Variants in MAGI1 observed in about 807,000 individuals in gnomAD.
MAGI1 encodes the protein membrane-associated guanylate kinase, WW and PDZ domain-containing protein 1.
MAGI1 carries 58 observed loss-of-function variants against 139.9 expected under a neutral mutation model. The ratio of observed to expected loss-of-function variants is 0.41; its 90% CI spans 0.34 to 0.52. The LOEUF is 0.52. MAGI1 is among the 20% of genes least tolerant of loss of function. The pLI, the probability that MAGI1 is intolerant of heterozygous loss-of-function variation, is 0.12. For missense variants in MAGI1, 1,874 were observed against 1,901.6 expected, an observed-to-expected ratio of 0.99 and a Z score of 0.27; for synonymous variants, 812 against 737.9, an observed-to-expected ratio of 1.10 and a Z score of -1.63.
chr3:65,692,084 C>T (rs982143073), intron 1 of MAGI1, among the ~76,000 whole-genome samples: 1 of 151,712 alleles, frequency 6.6e-6, no homozygotes, highest in African/African-American at 2.4e-5. Context: ...ATCAAGTAGA[C>T]AAGTATAGGT....
chr3:65,892,434 AT>A (rs1158062943), intron 1 of MAGI1, among the ~76,000 whole-genome samples: 1 of 152,218 alleles, frequency 6.6e-6, no homozygotes, highest in African/African-American at 2.4e-5. Flanking sequence ...TAATAGCAGA[AT>A]CAGATTTTAT....
chr3:65,580,298 T>C (rs952766842), intron 2 of MAGI1, among the ~76,000 whole-genome samples: 1 of 145,784 alleles, frequency 6.9e-6, no homozygotes, highest in African/African-American at 2.5e-5. Context: ...TCCCATTTGG[T>C]TTGTCTTTTC....
chr3:65,743,051 G>T (rs2035409608), intron 1 of MAGI1, among the ~76,000 whole-genome samples: 1 of 152,012 alleles, frequency 6.6e-6, no homozygotes, highest in South Asian at 2.1e-4. Flanking sequence ...GACCCTACAT[G>T]ACTTCTCTCT....
intron 5 of MAGI1, among the ~76,000 whole-genome samples, chr3:65,465,798 G>A (rs1266820345): frequency 6.6e-6 from 1 of 152,108 alleles, no homozygotes; most frequent in Non-Finnish European, 1.5e-5. Context: ...AGTTCTTCAA[G>A]TACTTTTCTT....
intron 1 of MAGI1, among the ~76,000 whole-genome samples, chr3:65,916,690 C>T (rs1342385636): frequency 1.3e-5 from 2 of 152,030 alleles, no homozygotes; most frequent in Admixed American, 6.6e-5. Flanking sequence ...AAACCACAAT[C>T]GCCTCCCACA....
intron 1 of MAGI1, among the ~76,000 whole-genome samples, chr3:65,936,918 T>G (rs6792506): frequency 0.55 from 82,080 of 149,224 alleles, 23,465 homozygotes; most frequent in East Asian, 0.81. Flanking sequence ...GTTGTTGTTG[T>G]TGGTGGTGGT....
Position 65,657,143 on chromosome 3 carries a change from A to G in MAGI1, c.314-35055T>C, listed in dbSNP as rs1450766493. Among the ~76,000 whole-genome samples, 3 of 152,128 alleles carry G rather than the reference A, an allele frequency of 2.0e-5. No individual in the cohort carries two copies. The East Asian group carries it at 5.8e-4, about 29-fold the overall frequency. On this transcript the variant is annotated intron_variant, in intron 1 of 22. Coordinates refer to ENST00000402939, the MANE Select transcript of MAGI1 (RefSeq NM_001033057.2). ...TACCTGGAATCCACGCAACATCCCTAGGAAGTAGGTACTATTCTTATCCCC... is the reference window on the plus strand; with the variant it reads ...TACCTGGAATCCACGCAACATCCCTGGGAAGTAGGTACTATTCTTATCCCC...
chr3:65,797,264 A>G (rs2040207500), intron 1 of MAGI1, among the ~76,000 whole-genome samples: 1 of 152,200 alleles, frequency 6.6e-6, no homozygotes, highest in Non-Finnish European at 1.5e-5. Context: ...GGTAAACACT[A>G]GCCCAGTAAA....
intron 1 of MAGI1, among the ~76,000 whole-genome samples, chr3:65,766,792 G>A (rs938226371): frequency 3.3e-5 from 5 of 152,026 alleles, no homozygotes; most frequent in African/African-American, 9.7e-5. Flanking sequence ...AGGAGGCTGA[G>A]GCAGGAGAAT....
rs10575249 is a variant in MAGI1, at chr3:65,919,679, T to TTCTC, written c.313+118313_313+118316dup. ...ATTTTCATTCTCTCATTCTCTCTCC[T>TTCTC]TCTCTCTCTCTCTCTCTCTCTCTCT... On this transcript the variant is annotated intron_variant, in intron 1 of 22. Coordinates refer to ENST00000402939, the MANE Select transcript of MAGI1 (RefSeq NM_001033057.2). 5.3e-4 allele frequency among the ~76,000 whole-genome samples: 79 copies of TTCTC among 148,542 alleles called. 1 individual carries two copies. The highest frequency in any genetic ancestry group is 6.7e-4 in the Non-Finnish European group (45 of 66,794).
At chr3:65,453,362 A>T (rs771061194) in intron 5 of MAGI1, 22 bp from the exon 6 acceptor site, 1 of 1,545,342 alleles carries the variant, frequency 6.5e-7, no homozygotes, top group South Asian at 1.2e-5. Flanking sequence ...AAACAAAAAT[A>T]AGAAATTTGT....
At chr3:65,717,921 G>A (rs918695576) in intron 1 of MAGI1, among the ~76,000 whole-genome samples, 1 of 152,114 alleles carries the variant, frequency 6.6e-6, no homozygotes, top group African/African-American at 2.4e-5. Flanking sequence ...AGCAGAGTGT[G>A]GTCACCAAGA....
intron 1 of MAGI1, among the ~76,000 whole-genome samples, chr3:65,723,642 A>T (rs1190430603): frequency 6.6e-6 from 1 of 152,260 alleles, no homozygotes; most frequent in African/African-American, 2.4e-5. Flanking sequence ...CAGTCGACAC[A>T]GATAATAAAC....
At chr3:65,425,135 A>AAAAC (rs1553642525) in intron 12 of MAGI1, among the ~76,000 whole-genome samples, 1,685 of 86,558 alleles carry the variant, frequency 0.019, 26 homozygotes, top group Non-Finnish European at 0.03. Flanking sequence ...AAAAAAAACA[A>AAAAC]AAAAAAACAC....
chr3:65,950,106 A>AAAAAAAAAAAAAC (rs796698272), intron 1 of MAGI1, among the ~76,000 whole-genome samples: 6 of 84,196 alleles, frequency 7.1e-5, no homozygotes, highest in African/African-American at 1.0e-4. Flanking sequence ...AAAAAAAAAA[A>AAAAAAAAAAAAAC]CAGAACTAGC....
chr3:65,428,463 G>C lies in MAGI1; in HGVS notation c.2167+1057C>G, dbSNP rs114634722. Among the ~76,000 whole-genome samples, 835 of 152,272 alleles carry C rather than the reference G, an allele frequency of 5.5e-3. 6 individuals are homozygous for C. The highest frequency in any genetic ancestry group is 0.019 in the African/African-American group (793 of 41,554). ...GAGAAAGGAGGAAGCTTAATGCCTC[G>C]AGATTTAGAATAACCCAGATCTCTG... is the stretch of plus-strand genomic sequence containing the variant. On this transcript the variant is annotated intron_variant, in intron 12 of 22. Coordinates refer to ENST00000402939, the MANE Select transcript of MAGI1 (RefSeq NM_001033057.2).
intron 1 of MAGI1, among the ~76,000 whole-genome samples, chr3:65,951,019 GGAAGGAAGGAA>G (rs2063825536): frequency 4.3e-5 from 5 of 116,626 alleles, no homozygotes; most frequent in African/African-American, 9.0e-5. Context: ...AAGGAAGGAA[GGAAGGAAGGAA>G]GGAAGGAAAG....
intron 1 of MAGI1, among the ~76,000 whole-genome samples, chr3:65,879,131 C>G (rs2060229912): frequency 6.6e-6 from 1 of 152,066 alleles, no homozygotes; most frequent in Non-Finnish European, 1.5e-5. Flanking sequence ...CCAGGCAGGC[C>G]CACAGCCTAA....
intron 1 of MAGI1, among the ~76,000 whole-genome samples, chr3:66,029,122 C>T (rs2068461212): frequency 6.6e-6 from 1 of 152,172 alleles, no homozygotes; most frequent in African/African-American, 2.4e-5. Flanking sequence ...CCAGAACACC[C>T]AGCTCATAAA....
Sources: gnomAD v4.1 joint callset for allele counts (sites outside exome capture counted in the v4.1 genomes callset) on GRCh38, gnomAD v4.1.1 for gene constraint, MANE v1.5 for transcripts, NCBI Gene and HGNC (gene_info 2026-07-23, HGNC 2026-07-21) for gene names.